NECTIN1: variants seen among roughly 807,000 people sequenced by gnomAD.
NECTIN1 encodes nectin cell adhesion molecule 1, also known as nectin-1.
NECTIN1 carries 23 observed loss-of-function variants against 48.0 expected under a neutral mutation model. That is an observed-to-expected ratio of 0.48 (90% CI 0.34 to 0.68). The LOEUF is 0.68. Among genes scored for constraint, NECTIN1 ranks in the 30% least tolerant of loss-of-function variants. The probability of loss-of-function intolerance (pLI) is 0.01; values close to 1 mark genes in which losing one functional copy is unlikely to be tolerated. For synonymous variants in NECTIN1, 270 were observed against 288.9 expected, an observed-to-expected ratio of 0.93 and a Z score of 0.66; for missense variants, 591 against 709.9, an observed-to-expected ratio of 0.83 and a Z score of 1.90.
chr11:119,674,348 G>A, intron 5 of NECTIN1: 1 of 1,416,736 alleles, frequency 7.1e-7, no homozygotes, highest in Non-Finnish European at 9.2e-7. Context: ...GACTTGTTTT[G>A]ATGCTTCCAT....
rs562681038 is a variant in NECTIN1, at chr11:119,662,011, C to T, written c.*2736G>A. 1.2e-4 allele frequency: 120 copies of T among 985,118 alleles called. No homozygotes were observed. The African/African-American group carries it at 2.1e-3, about 17-fold the overall frequency. The allele number at this position is 985,118 out of a possible 1,614,324, so 61.0% of individuals were successfully genotyped here. A position where few individuals can be genotyped will look rare whatever the true frequency, so the allele number is the denominator to read the frequency against. On this transcript the variant is annotated 3_prime_UTR_variant, in exon 6 of 6. Transcript: ENST00000264025. The surrounding 1 kb of genome is among the most constrained non-coding windows in gnomAD (Gnocchi z 5.3). Reference sequence around the variant, plus strand: ...AAAGGGGACTCGGCTGGTTCTATTACACATTAGAACAATATCAAAATCTGT... The same window carrying T: ...AAAGGGGACTCGGCTGGTTCTATTATACATTAGAACAATATCAAAATCTGT...
At position 119,664,574 on chromosome 11, in the gene NECTIN1, A is replaced by T; in HGVS notation, c.*173T>A. 1 of 1,434,890 alleles carries T rather than the reference A, an allele frequency of 7.0e-7. No individual in the cohort carries two copies. Among genetic ancestry groups the T allele is most frequent in the Non-Finnish European group, 9.1e-7 (1 of 1,096,546 alleles). 88.9% of individuals were successfully genotyped at this position (1,434,890 alleles called of 1,614,324 possible). On this transcript the variant is annotated 3_prime_UTR_variant, in exon 6 of 6. Coordinates refer to ENST00000264025, the MANE Select transcript of NECTIN1 (RefSeq NM_002855.5). ...AGGAGAGGGAGGAAATAAAACACAA[A>T]GCCAAGTCGTGGCTGCCCTGGGCTC...
chr11:119,713,656 G>A, intron 1 of NECTIN1: 1 of 334,848 alleles, frequency 3.0e-6, no homozygotes, highest in Non-Finnish European at 6.0e-6. Flanking sequence ...GGGGTGACAG[G>A]AAAGAATGGG....
chr11:119,674,739 C>T, intron 5 of NECTIN1: 1 of 1,612,324 alleles, frequency 6.2e-7, no homozygotes, highest in South Asian at 1.1e-5. Flanking sequence ...TTGAGGTAAG[C>T]CTCACTTTCT....
At chr11:119,717,615 G>T (rs1345453644) in intron 1 of NECTIN1, among the ~76,000 whole-genome samples, 1 of 152,200 alleles carries the variant, frequency 6.6e-6, no homozygotes, top group African/African-American at 2.4e-5. Context: ...TACACTCAGG[G>T]AGATGCCTGT....
At chr11:119,686,774 G>A (rs1425302346) in intron 1 of NECTIN1, among the ~76,000 whole-genome samples, 2 of 152,162 alleles carry the variant, frequency 1.3e-5, no homozygotes, top group Non-Finnish European at 2.9e-5. Flanking sequence ...AGGCTTCCCG[G>A]AGCCCTCCTC....
At chr11:119,715,009 C>T (rs529873094) in intron 1 of NECTIN1, among the ~76,000 whole-genome samples, 12 of 152,200 alleles carry the variant, frequency 7.9e-5, no homozygotes, top group African/African-American at 2.6e-4. Flanking sequence ...CACATGAGCT[C>T]CATGCGATTC....
rs1864897634 is a variant in NECTIN1 at position 119,673,718 on chromosome 11, C to T, written c.1003+1441G>A. On this transcript the variant is annotated intron_variant, in intron 5 of 5. Coordinates refer to ENST00000264025, the MANE Select transcript of NECTIN1 (RefSeq NM_002855.5). This position sits in a 1 kb window ranked among gnomAD's most constrained non-coding sequence, Gnocchi z 5.8. ...CTCCACATGGAACACAGGCCCTGCC[C>T]TTCCCACCTCCCCCTTGACTCCCCC... Among the ~76,000 whole-genome samples, 1 of 152,328 alleles carries T rather than the reference C, an allele frequency of 6.6e-6. No individual in the cohort carries two copies. The highest frequency in any genetic ancestry group is 1.5e-5 in the Non-Finnish European group (1 of 68,012).
chr11:119,639,971 G>A, exon 6 of NECTIN1: 2 of 1,614,076 alleles, frequency 1.2e-6, no homozygotes, highest in Non-Finnish European at 1.7e-6. Flanking sequence ...CCCGCCAGGA[G>A]CCTGGCTGCA....
chr11:119,674,677 C>A, intron 5 of NECTIN1: 1 of 1,614,248 alleles, frequency 6.2e-7, no homozygotes, highest in Non-Finnish European at 8.5e-7. Context: ...GCAGGGCACA[C>A]AAAGCACTAT....
chr11:119,710,739 A>C (rs1466001132), intron 1 of NECTIN1, among the ~76,000 whole-genome samples: 1 of 152,090 alleles, frequency 6.6e-6, no homozygotes, highest in Non-Finnish European at 1.5e-5. Context: ...CCAGTGTGAG[A>C]GGAGTTTGAA....
intron 1 of NECTIN1, among the ~76,000 whole-genome samples, chr11:119,693,446 A>G (rs1253594025): frequency 1.3e-5 from 2 of 152,224 alleles, no homozygotes; most frequent in African/African-American, 4.8e-5. Context: ...CCGAGTGGGG[A>G]GTCCCCTCAG....
intron 5 of NECTIN1, among the ~76,000 whole-genome samples, chr11:119,649,355 T>C (rs1054861031): frequency 1.3e-5 from 2 of 149,070 alleles, no homozygotes; most frequent in African/African-American, 5.0e-5. Context: ...CACTCCAGCC[T>C]GACAACAGAG....
intron 1 of NECTIN1, among the ~76,000 whole-genome samples, chr11:119,702,654 G>T (rs1190152091): frequency 1.3e-5 from 2 of 152,202 alleles, no homozygotes; most frequent in African/African-American, 2.4e-5. Context: ...TCCCAGCTCT[G>T]CCACTTGCAA....
intron 1 of NECTIN1, among the ~76,000 whole-genome samples, chr11:119,687,880 C>T (rs986104569): frequency 1.3e-5 from 2 of 152,090 alleles, no homozygotes; most frequent in Non-Finnish European, 2.9e-5. Flanking sequence ...GCTGCCTGCT[C>T]GGATGGCCGG....
At chr11:119,648,063 C>CAAAA (rs55695982) in intron 5 of NECTIN1, among the ~76,000 whole-genome samples, 3 of 43,092 alleles carry the variant, frequency 7.0e-5, no homozygotes, top group Non-Finnish European at 8.0e-5. Flanking sequence ...GACACCGTCT[C>CAAAA]AAAAAAAAAA....
At chr11:119,648,173 GGGTGGGGTGATGGT>G (rs2135528908) in intron 5 of NECTIN1, among the ~76,000 whole-genome samples, 1 of 141,940 alleles carries the variant, frequency 7.0e-6, no homozygotes, top group East Asian at 2.1e-4. Flanking sequence ...AATAGGGTCA[GGGTGGGGTGATGGT>G]GGTGGTGTGA....
chr11:119,648,294 G>GAT, intron 5 of NECTIN1, among the ~76,000 whole-genome samples: 1 of 56,568 alleles, frequency 1.8e-5, no homozygotes, highest in African/African-American at 7.1e-5. Context: ...TGGTGATGGT[G>GAT]GTGGTGGTGG....
At chr11:119,671,281 G>A (rs1229244025) in intron 5 of NECTIN1, among the ~76,000 whole-genome samples, 2 of 152,042 alleles carry the variant, frequency 1.3e-5, no homozygotes, top group East Asian at 2.0e-4. Context: ...GGAGAGAGAA[G>A]AGCCAGGCCG....
Sources: gnomAD v4.1 joint callset for allele counts (sites outside exome capture counted in the v4.1 genomes callset) on GRCh38, gnomAD v4.1.1 for gene constraint, Gnocchi (gnomAD v3.1) non-coding constraint, MANE v1.5 for transcripts, NCBI Gene and HGNC (gene_info 2026-07-23, HGNC 2026-07-21) for gene names.